Variants in MELK observed in about 807,000 individuals in gnomAD.
MELK encodes the protein pEg3 kinase.
In MELK, 81 loss-of-function variants were observed where a neutral mutation model predicts 85.0. The observed-to-expected ratio is 0.95, with a 90% CI of 0.80 to 1.15. The LOEUF is 1.15. MELK is among the 50% of genes most tolerant of loss of function. MELK has a pLI of 0.00. For synonymous variants in MELK, 252 were observed against 265.0 expected, an observed-to-expected ratio of 0.95 and a Z score of 0.48; for missense variants, 754 against 777.5, an observed-to-expected ratio of 0.97 and a Z score of 0.36.
At chr9:36,581,436 A>G (rs1822230731) in intron 1 of MELK, among the ~76,000 whole-genome samples, 1 of 152,026 alleles carries the variant, frequency 6.6e-6, no homozygotes, top group African/African-American at 2.4e-5. Flanking sequence ...AAAAAGTTTT[A>G]AAGGTTTATG....
In MELK at chr9:36,657,243, A is replaced by C; in HGVS notation, c.1056A>C (p.Ser352=). 1 of 1,609,378 alleles carries C rather than the reference A, an allele frequency of 6.2e-7. No homozygotes were observed. The highest frequency in any genetic ancestry group is 8.5e-7 in the Non-Finnish European group (1 of 1,178,848). The part of the protein sequence containing the change: ...ASATPFTDIK[S]NNWSLEDVTA... Reference sequence around the variant, plus strand: ...TTCTTCTGTCTTTCATTGAGTAGTCAAATAATTGGAGTCTGGAAGATGTGA... The same window carrying C: ...TTCTTCTGTCTTTCATTGAGTAGTCCAATAATTGGAGTCTGGAAGATGTGA... Residue 352 remains serine (S), a splice_region_variant and synonymous_variant, in exon 13 of 18, where the codon TCA becomes TCC. Coordinates refer to ENST00000298048, the MANE Select transcript of MELK (RefSeq NM_014791.4).
intron 10 of MELK, among the ~76,000 whole-genome samples, chr9:36,637,709 A>G (rs1057180014): frequency 5.3e-5 from 8 of 152,170 alleles, no homozygotes; most frequent in Admixed American, 1.3e-4. Context: ...ACACCAATGT[A>G]AATATCCTTC....
At chr9:36,630,168 A>G (rs1391128407) in intron 8 of MELK, 131 bp from the exon 9 acceptor site, 2 of 725,962 alleles carry the variant, frequency 2.8e-6, no homozygotes, top group Non-Finnish European at 4.7e-6. Context: ...TTTTTAGTTA[A>G]TAATGTTTAC....
chr9:36,671,140 G>A lies in MELK; in HGVS notation c.1648G>A (p.Ala550Thr), dbSNP rs141614983. 219 of 1,607,004 alleles carry A rather than the reference G, an allele frequency of 1.4e-4. No homozygotes were observed. The highest frequency in any genetic ancestry group is 1.7e-4 in the Non-Finnish European group (202 of 1,176,662). Reference protein sequence around the residue: ...VLTRSKRKGSARDGPRRLKLH... With the variant: ...VLTRSKRKGSTRDGPRRLKLH... ...CACCAGGAGCAAAAGGAAGGGTTCT[G>A]CCAGAGACGGGCCCAGAAGACTAAA... The change falls in exon 16 of 18, where the codon GCC becomes ACC. Residue 550 changes from alanine to threonine, a missense_variant. Ala to Thr is a moderately conservative substitution (Grantham distance 58). Transcript: ENST00000298048.
intron 10 of MELK, among the ~76,000 whole-genome samples, chr9:36,634,960 A>C (rs1335527798): frequency 6.6e-6 from 1 of 152,154 alleles, no homozygotes; most frequent in Non-Finnish European, 1.5e-5. Context: ...GAAAAAGAAA[A>C]AGAAAAAAAT....
At chr9:36,636,790 G>GTCTTTCTT in intron 10 of MELK, among the ~76,000 whole-genome samples, 1 of 67,698 alleles carries the variant, frequency 1.5e-5, no homozygotes, top group African/African-American at 4.0e-5. Flanking sequence ...CTTTCTGTCT[G>GTCTTTCTT]TCTTTCTTTC....
Position 36,589,598 on chromosome 9 carries a change from A to G in MELK, c.207A>G (p.Ile69Met). The part of the protein sequence containing the change: ...EALKNLRHQH[I>M]CQLYHVLETA... ...TGAAGAACCTGAGACATCAGCATAT[A>G]TGTCAACTCTACCATGTGCTAGAGA... Residue 69 changes from isoleucine (I) to methionine (M), a missense_variant, in exon 4 of 18, where the codon ATA becomes ATG. By Grantham distance (10) the Ile-to-Met change is conservative. Coordinates refer to ENST00000298048, the MANE Select transcript of MELK (RefSeq NM_014791.4). 1.2e-6 allele frequency: 2 copies of G among 1,614,128 alleles called. No homozygotes were observed. The highest frequency in any genetic ancestry group is 1.7e-6 in the Non-Finnish European group (2 of 1,179,982).
chr9:36,626,873 T>C (rs919610185), intron 8 of MELK, among the ~76,000 whole-genome samples: 2 of 150,234 alleles, frequency 1.3e-5, no homozygotes, highest in African/African-American at 4.9e-5. Flanking sequence ...GCAGGAGAAT[T>C]GCTTGAACCC....
chr9:36,589,645 T>G lies in MELK; in HGVS notation c.254T>G (p.Val85Gly). The change falls in exon 4 of 18, where the codon GTT becomes GGT. Residue 85 changes from valine to glycine, a missense_variant. Physicochemically the swap from Val to Gly is moderately radical, Grantham distance 109. Transcript: ENST00000298048. ...VLETANKIFM[V>G]LEYCPGGELF... ...GAGACAGCCAACAAAATATTCATGG[T>G]TCTTGAGGTTAGTAGTATGTTCCAG... is the stretch of plus-strand genomic sequence containing the variant. 1.9e-6 allele frequency: 3 copies of G among 1,603,578 alleles called. No homozygotes were observed. Among genetic ancestry groups the G allele is most frequent in the Non-Finnish European group, 2.6e-6 (3 of 1,170,436 alleles).
chr9:36,602,108 T>C (rs756969782), intron 7 of MELK, among the ~76,000 whole-genome samples: 1 of 152,168 alleles, frequency 6.6e-6, no homozygotes, highest in Non-Finnish European at 1.5e-5. Context: ...TGCTGGATCA[T>C]ATTGTAATTC....
intron 8 of MELK, among the ~76,000 whole-genome samples, chr9:36,618,563 T>A (rs1396843039): frequency 6.6e-6 from 1 of 152,218 alleles, no homozygotes; most frequent in South Asian, 2.1e-4. Context: ...TTAAATCTAA[T>A]TAGGTATTTT....
intron 7 of MELK, among the ~76,000 whole-genome samples, chr9:36,601,934 G>A (rs1315740626): frequency 6.6e-6 from 1 of 152,136 alleles, no homozygotes; most frequent in Non-Finnish European, 1.5e-5. Flanking sequence ...ATATTCCATT[G>A]TATGTATATA....
At chr9:36,623,538 C>G (rs1564175134) in intron 8 of MELK, among the ~76,000 whole-genome samples, 1 of 152,124 alleles carries the variant, frequency 6.6e-6, no homozygotes, top group Non-Finnish European at 1.5e-5. Flanking sequence ...AGGTGTTCTG[C>G]CCAAATAGGG....
intron 1 of MELK, among the ~76,000 whole-genome samples, chr9:36,580,403 T>A (rs1269150486): frequency 2.0e-5 from 3 of 151,932 alleles, no homozygotes; most frequent in Non-Finnish European, 4.4e-5. Context: ...TACTGCAACC[T>A]CCGCCTCCCA....
At chr9:36,588,915 A>G (rs2135288284) in intron 3 of MELK, among the ~76,000 whole-genome samples, 1 of 152,252 alleles carries the variant, frequency 6.6e-6, no homozygotes, top group Middle Eastern at 3.4e-3. Context: ...GCTGAGGCTG[A>G]AAGTGGTAGC....
chr9:36,592,172 C>CTTT lies in MELK; in HGVS notation c.262-2438_262-2436dup, dbSNP rs35073009. On this transcript the variant is annotated intron_variant, in intron 4 of 17. Transcript: ENST00000298048. ...CCACCCTAGTCATCACATTTCTTTT[C>CTTT]TTTTTTTTTTTTTTTTTTTTGAGAC... Among the ~76,000 whole-genome samples the CTTT allele has an allele frequency of 7.6e-3, 895 of 117,268 alleles. 26 individuals carry two copies. The highest frequency in any genetic ancestry group is 0.024 in the African/African-American group (696 of 29,532). 76.9% of individuals were successfully genotyped at this position (117,268 alleles called of 152,430 possible). A position where few individuals can be genotyped will look rare whatever the true frequency, so the allele number is the denominator to read the frequency against.
At chr9:36,627,825 C>G (rs531364561) in intron 8 of MELK, among the ~76,000 whole-genome samples, 6 of 152,030 alleles carry the variant, frequency 3.9e-5, no homozygotes, top group Non-Finnish European at 8.8e-5. Flanking sequence ...CTGTGCCCAG[C>G]CTGAGAGCCC....
At chr9:36,583,042 C>A (rs1033264499) in intron 2 of MELK, among the ~76,000 whole-genome samples, 1 of 150,402 alleles carries the variant, frequency 6.6e-6, no homozygotes, top group Non-Finnish European at 1.5e-5. Flanking sequence ...GGTGCGATCT[C>A]GGGTCACTGC....
rs75196260 is a variant in MELK, at chr9:36,623,542, A to G, written c.667-6757A>G. Among the ~76,000 whole-genome samples, 181 of 152,242 alleles carry G rather than the reference A, an allele frequency of 1.2e-3. 3 individuals carry two copies. The highest frequency in any genetic ancestry group is 4.1e-3 in the African/African-American group (171 of 41,536). On this transcript the variant is annotated intron_variant, in intron 8 of 17. Coordinates refer to ENST00000298048, the MANE Select transcript of MELK (RefSeq NM_014791.4). ...ATACTCTACAGAGGTGTTCTGCCCA[A>G]ATAGGGGAATTGGATGGGGACATTG...
Sources: allele counts gnomAD v4.1 joint callset (sites outside exome capture counted in the v4.1 genomes callset), GRCh38; gene constraint gnomAD v4.1.1; transcripts MANE v1.5; gene names NCBI Gene and HGNC (gene_info 2026-07-23, HGNC 2026-07-21).